The following TMEM117 variants were observed in gnomAD, a reference collection of about 807,000 sequenced individuals.
TMEM117 encodes the protein transmembrane protein 117.
Under a neutral mutation model 52.4 loss-of-function variants are expected in TMEM117, and 27 were observed. The observed-to-expected ratio is 0.51, with a 90% CI of 0.38 to 0.71. TMEM117 has a LOEUF of 0.71. Ranked by LOEUF, TMEM117 falls within the 30% of genes least tolerant of loss-of-function variation. The pLI is 0.00. For synonymous variants in TMEM117, 215 were observed against 206.3 expected, an observed-to-expected ratio of 1.04 and a Z score of -0.36; for missense variants, 556 against 630.5, an observed-to-expected ratio of 0.88 and a Z score of 1.26.
At chr12:44,050,629 T>A (rs1362383753) in intron 3 of TMEM117, among the ~76,000 whole-genome samples, 1 of 152,194 alleles carries the variant, frequency 6.6e-6, no homozygotes, top group Admixed American at 6.5e-5. Context: ...AAAAATAAAA[T>A]CTAACATTGA....
At chr12:44,333,608 A>G (rs1951302044) in intron 6 of TMEM117, among the ~76,000 whole-genome samples, 1 of 152,008 alleles carries the variant, frequency 6.6e-6, no homozygotes, top group African/African-American at 2.4e-5. Flanking sequence ...CATGTGAAGA[A>G]GGACATGCTT....
intron 6 of TMEM117, among the ~76,000 whole-genome samples, chr12:44,355,033 TA>T (rs1951627018): frequency 6.6e-6 from 1 of 152,026 alleles, no homozygotes; most frequent in African/African-American, 2.4e-5. Flanking sequence ...TTAAAACTAA[TA>T]AAGTTAGCAG....
At chr12:44,103,859 C>T (rs910053647) in intron 3 of TMEM117, among the ~76,000 whole-genome samples, 1 of 152,070 alleles carries the variant, frequency 6.6e-6, no homozygotes, top group Admixed American at 6.6e-5. Context: ...ATTTCCCCCT[C>T]AAGCACTTTT....
At chr12:43,991,002 T>C (rs553116928) in intron 3 of TMEM117, among the ~76,000 whole-genome samples, 6 of 152,316 alleles carry the variant, frequency 3.9e-5, no homozygotes, top group Admixed American at 1.3e-4. Context: ...TTTGATTAGG[T>C]TTTCAGGGAA....
At chr12:43,958,914 C>G (rs960200759) in intron 3 of TMEM117, among the ~76,000 whole-genome samples, 3 of 152,230 alleles carry the variant, frequency 2.0e-5, no homozygotes, top group East Asian at 3.9e-4. Flanking sequence ...TCACGCCATT[C>G]TCCTGCCTCA....
chr12:44,127,736 A>G (rs562545344), intron 3 of TMEM117, among the ~76,000 whole-genome samples: 1 of 152,324 alleles, frequency 6.6e-6, no homozygotes, highest in South Asian at 2.1e-4. Context: ...GCCTTAGCCA[A>G]TCCGTTGAAA....
At chr12:43,930,900 T>G (rs1251853772) in intron 2 of TMEM117, among the ~76,000 whole-genome samples, 1 of 152,170 alleles carries the variant, frequency 6.6e-6, no homozygotes, top group East Asian at 1.9e-4. Context: ...GCCAGGGTCT[T>G]CCTGAATGGA....
intron 4 of TMEM117, among the ~76,000 whole-genome samples, chr12:44,207,066 T>G (rs1716622985): frequency 6.6e-6 from 1 of 152,208 alleles, no homozygotes; most frequent in South Asian, 2.1e-4. Flanking sequence ...GTCAGTATAT[T>G]GTTAAGTAGA....
intron 4 of TMEM117, among the ~76,000 whole-genome samples, chr12:44,177,743 G>C (rs1592582678): frequency 6.6e-6 from 1 of 152,098 alleles, no homozygotes; most frequent in Non-Finnish European, 1.5e-5. Context: ...CTCAGTTTAG[G>C]AGGAGAATTT....
chr12:44,272,483 G>C (rs548364443), intron 5 of TMEM117, among the ~76,000 whole-genome samples: 20 of 152,174 alleles, frequency 1.3e-4, no homozygotes, highest in Non-Finnish European at 2.2e-4. Flanking sequence ...ATCTGACAAA[G>C]GGCTAATATC....
Position 44,236,180 on chromosome 12 carries a change from A to G in TMEM117, c.608+24793A>G, listed in dbSNP as rs1028011048. ...ATGTTTTAGTTTCTAGCATATATATATATATATAGAGAGAGAGAGAGAGAG... is the reference window on the plus strand; with the variant it reads ...ATGTTTTAGTTTCTAGCATATATATGTATATATAGAGAGAGAGAGAGAGAG... On this transcript the variant is annotated intron_variant, in intron 5 of 7. Transcript: ENST00000266534. Among the ~76,000 whole-genome samples, 5 of 150,818 alleles carry G rather than the reference A, an allele frequency of 3.3e-5. No individual in the cohort carries two copies. The South Asian group carries it at 6.3e-4, about 19-fold the overall frequency.
rs145266852 is a variant in TMEM117, at chr12:44,168,466, T to C, written c.510+24842T>C. On this transcript the variant is annotated intron_variant, in intron 4 of 7. Transcript: ENST00000266534. Reference sequence around the variant, plus strand: ...TTATGACAGCATAATAACATAAGCATTTACTCCTTTTTATTAAAATCTTCT... The same window carrying C: ...TTATGACAGCATAATAACATAAGCACTTACTCCTTTTTATTAAAATCTTCT... Among the ~76,000 whole-genome samples, 431 of 150,498 alleles carry C rather than the reference T, an allele frequency of 2.9e-3. 5 individuals carry two copies. Among genetic ancestry groups the C allele is most frequent in the Admixed American group, 0.023 (351 of 15,278 alleles).
intron 2 of TMEM117, among the ~76,000 whole-genome samples, chr12:43,915,652 C>T (rs993104074): frequency 6.0e-5 from 9 of 150,648 alleles, no homozygotes; most frequent in South Asian, 2.1e-4. Flanking sequence ...CCTGCTCAGG[C>T]GAGACCTAGG....
At chr12:44,266,928 A>G (rs1286964352) in intron 5 of TMEM117, among the ~76,000 whole-genome samples, 1 of 152,064 alleles carries the variant, frequency 6.6e-6, no homozygotes, top group Non-Finnish European at 1.5e-5. Context: ...CCATGGATGT[A>G]TATATATGGG....
intron 6 of TMEM117, among the ~76,000 whole-genome samples, chr12:44,372,271 C>T (rs995612007): frequency 4.6e-5 from 7 of 152,192 alleles, no homozygotes; most frequent in African/African-American, 1.7e-4. Flanking sequence ...TGTAGCTGAA[C>T]ACCTCTTGCC....
chr12:44,294,220 C>T (rs552452381), intron 5 of TMEM117, among the ~76,000 whole-genome samples: 1 of 152,164 alleles, frequency 6.6e-6, no homozygotes, highest in South Asian at 2.1e-4. Flanking sequence ...TCCCTTGCTG[C>T]TTTAAAGTTT....
At chr12:43,805,178 T>C in the TMEM117 span, among the ~76,000 whole-genome samples, 2 of 152,262 alleles carry the variant, frequency 1.3e-5, no homozygotes, top group Admixed American at 1.3e-4. Flanking sequence ...AATTTCGTTC[T>C]AATTTCGTTC....
chr12:44,367,737 A>G (rs1268232642), intron 6 of TMEM117, among the ~76,000 whole-genome samples: 2 of 152,126 alleles, frequency 1.3e-5, no homozygotes, highest in Non-Finnish European at 2.9e-5. Context: ...ATTAGCATAT[A>G]CTGAGCTCTC....
At chr12:44,048,673 T>A (rs1206140761) in intron 3 of TMEM117, among the ~76,000 whole-genome samples, 1 of 152,210 alleles carries the variant, frequency 6.6e-6, no homozygotes, top group East Asian at 1.9e-4. Flanking sequence ...CAACTCCTAG[T>A]AAGTTAGCAT....
Sources: gnomAD v4.1 joint callset for allele counts (sites outside exome capture counted in the v4.1 genomes callset) on GRCh38, gnomAD v4.1.1 for gene constraint, MANE v1.5 for transcripts, NCBI Gene and HGNC (gene_info 2026-07-23, HGNC 2026-07-21) for gene names.